Variants in FUT9 observed in about 807,000 individuals in gnomAD.
The protein encoded by FUT9 is fucosyltransferase 9.
Under a neutral mutation model 29.7 loss-of-function variants are expected in FUT9, and 15 were observed. The ratio of observed to expected loss-of-function variants is 0.51; its 90% CI spans 0.34 to 0.78. The LOEUF is 0.78. FUT9 is among the 30% of genes least tolerant of loss of function. The pLI is 0.01. For synonymous variants in FUT9, 169 were observed against 153.7 expected (o/e 1.10, Z -0.74); for missense variants, 319 against 425.4 (o/e 0.75, Z 2.20).
At chr6:96,093,458 T>C (rs1326990149) in intron 1 of FUT9, among the ~76,000 whole-genome samples, 1 of 152,108 alleles carries the variant, frequency 6.6e-6, no homozygotes, top group African/African-American at 2.4e-5. Context: ...GACAGTATCC[T>C]CTAGAAGTAT....
chr6:96,051,012 C>CTGTG (rs57618987), intron 1 of FUT9, among the ~76,000 whole-genome samples: 6,048 of 149,594 alleles, frequency 0.04, 166 homozygotes, highest in South Asian at 0.12. Flanking sequence ...CTCTCTCTCT[C>CTGTG]TGTGTGTGTG....
intron 2 of FUT9, among the ~76,000 whole-genome samples, chr6:96,128,454 C>G (rs1025460037): frequency 6.6e-6 from 1 of 152,108 alleles, no homozygotes; most frequent in African/African-American, 2.4e-5. Flanking sequence ...TTCATTTGTA[C>G]TGTATTAAAT....
At position 96,206,504 on chromosome 6, in the gene FUT9, C is replaced by G. The variant is rs1023200577; in HGVS notation, c.*2269C>G. 1 of 166,764 alleles carries G rather than the reference C, an allele frequency of 6.0e-6. No homozygotes were observed. The highest frequency in any genetic ancestry group is 2.4e-5 in the African/African-American group (1 of 41,438). The allele number at this position is 166,764 out of a possible 1,614,324, so 10.3% of individuals were successfully genotyped here. ...TTGTGATAGAGTCTTGCTCTGTCGCCCAGGCCGGAGTGCAGTGGTGCAGTC... is the reference window on the plus strand; with the variant it reads ...TTGTGATAGAGTCTTGCTCTGTCGCGCAGGCCGGAGTGCAGTGGTGCAGTC... On this transcript the variant is annotated 3_prime_UTR_variant, in exon 3 of 3. Coordinates refer to ENST00000302103, the MANE Select transcript of FUT9 (RefSeq NM_006581.4).
intron 1 of FUT9, among the ~76,000 whole-genome samples, chr6:96,031,138 C>G (rs1770253611): frequency 6.6e-6 from 1 of 151,400 alleles, no homozygotes; most frequent in Admixed American, 6.6e-5. Context: ...GAGAGAAGTC[C>G]CATTAGGTAG....
At chr6:96,049,423 C>T (rs984098547) in intron 1 of FUT9, among the ~76,000 whole-genome samples, 4 of 152,224 alleles carry the variant, frequency 2.6e-5, no homozygotes, top group Admixed American at 6.5e-5. Flanking sequence ...TTACACATCT[C>T]TTTCTAATAA....
intron 1 of FUT9, among the ~76,000 whole-genome samples, chr6:96,113,709 C>G (rs1373110424): frequency 1.3e-5 from 2 of 151,692 alleles, no homozygotes; most frequent in Admixed American, 6.6e-5. Context: ...AAAAAATTAG[C>G]CGGGCGTGGT....
intron 1 of FUT9, among the ~76,000 whole-genome samples, chr6:96,087,733 C>G (rs762694907): frequency 6.6e-6 from 1 of 152,010 alleles, no homozygotes; most frequent in African/African-American, 2.4e-5. Context: ...AGTTGTAAAC[C>G]CCATAATATA....
chr6:96,187,503 T>C (rs1773425915), intron 2 of FUT9, among the ~76,000 whole-genome samples: 1 of 152,120 alleles, frequency 6.6e-6, no homozygotes, highest in African/African-American at 2.4e-5. Flanking sequence ...CTGTAATTCC[T>C]AGAAAAGTTT....
intron 1 of FUT9, among the ~76,000 whole-genome samples, chr6:96,104,005 A>G (rs1343584629): frequency 6.6e-6 from 1 of 152,200 alleles, no homozygotes; most frequent in African/African-American, 2.4e-5. Flanking sequence ...ACAGGCGGCT[A>G]ATCTCAGCTA....
intron 1 of FUT9, among the ~76,000 whole-genome samples, chr6:96,077,517 C>T (rs1012442831): frequency 2.0e-5 from 3 of 152,102 alleles, no homozygotes; most frequent in East Asian, 1.9e-4. Context: ...GGTAATCTAT[C>T]GGCTTCTTCC....
chr6:96,106,015 A>T (rs550796076), intron 1 of FUT9, among the ~76,000 whole-genome samples: 1 of 152,308 alleles, frequency 6.6e-6, no homozygotes, highest in South Asian at 2.1e-4. Flanking sequence ...TTTGTAGTAC[A>T]TTGGGATAAC....
At chr6:96,032,022 G>C (rs910685694) in intron 1 of FUT9, among the ~76,000 whole-genome samples, 3 of 151,514 alleles carry the variant, frequency 2.0e-5, no homozygotes, top group Non-Finnish European at 3.0e-5. Flanking sequence ...TGTGTACCAA[G>C]ACTGCATTAT....
At chr6:96,051,494 A>C (rs935368139) in intron 1 of FUT9, among the ~76,000 whole-genome samples, 1 of 151,960 alleles carries the variant, frequency 6.6e-6, no homozygotes, top group Non-Finnish European at 1.5e-5. Flanking sequence ...CTAAAAAAAA[A>C]TGAAGAAAAT....
At chr6:96,084,334 T>G (rs1220118918) in intron 1 of FUT9, among the ~76,000 whole-genome samples, 3 of 152,110 alleles carry the variant, frequency 2.0e-5, no homozygotes, top group Non-Finnish European at 4.4e-5. Flanking sequence ...GTTATGTTGT[T>G]TTTTAAGCTA....
chr6:96,197,383 G>C (rs549690464), intron 2 of FUT9, among the ~76,000 whole-genome samples: 152 of 152,212 alleles, frequency 1.0e-3, no homozygotes, highest in African/African-American at 3.4e-3. Flanking sequence ...GGATCTTTGA[G>C]AAAGGTTCAC....
At chr6:96,020,406 T>G (rs1226672305) in intron 1 of FUT9, among the ~76,000 whole-genome samples, 1 of 152,136 alleles carries the variant, frequency 6.6e-6, no homozygotes, top group African/African-American at 2.4e-5. Flanking sequence ...CGTATCCATA[T>G]GTTTATTTAT....
chr6:96,162,218 T>G (rs980211432), intron 2 of FUT9, among the ~76,000 whole-genome samples: 1 of 152,222 alleles, frequency 6.6e-6, no homozygotes, highest in South Asian at 2.1e-4. Context: ...CATGTTATTT[T>G]GTTGTTGCTT....
chr6:96,172,274 G>A (rs147292579), intron 2 of FUT9, among the ~76,000 whole-genome samples: 15 of 152,264 alleles, frequency 9.9e-5, no homozygotes, highest in Non-Finnish European at 1.3e-4. Context: ...ATAAATTTGG[G>A]AGAGCGGGAC....
At chr6:96,166,251 T>C (rs1773014215) in intron 2 of FUT9, among the ~76,000 whole-genome samples, 1 of 152,198 alleles carries the variant, frequency 6.6e-6, no homozygotes, top group South Asian at 2.1e-4. Flanking sequence ...GTAATTATAC[T>C]GCCAGGACAG....
Sources: allele counts gnomAD v4.1 joint callset (sites outside exome capture counted in the v4.1 genomes callset), GRCh38; gene constraint gnomAD v4.1.1; transcripts MANE v1.5; gene names NCBI Gene and HGNC (gene_info 2026-07-23, HGNC 2026-07-21).